The following BCR variants were observed in gnomAD, a reference collection of about 807,000 sequenced individuals.
BCR encodes breakpoint cluster region protein.
Under a neutral mutation model 138.6 loss-of-function variants are expected in BCR, and 58 were observed. The ratio of observed to expected loss-of-function variants is 0.42; its 90% confidence interval spans 0.34 to 0.52. BCR has a LOEUF of 0.52. Among genes scored for constraint, BCR ranks in the 20% least tolerant of loss-of-function variants. The pLI is 0.06. For synonymous variants in BCR, 786 were observed against 730.1 expected, an observed-to-expected ratio of 1.08 and a Z score of -1.23; for missense variants, 1,599 against 1,727.2, an observed-to-expected ratio of 0.93 and a Z score of 1.32.
At chr22:23,263,306 GCAC>G in intron 4 of BCR, 1 of 1,154,836 alleles carries the variant, frequency 8.7e-7, no homozygotes, top group Non-Finnish European at 1.3e-6. Flanking sequence ...GCTGGCTGTG[GCAC>G]TTCACCAACT....
chr22:23,317,083 C>A lies in BCR; in HGVS notation c.*1561C>A, dbSNP rs180823. On this transcript the variant is annotated 3_prime_UTR_variant, in exon 23 of 23. Transcript: ENST00000305877. ...GCACCCAGTGCGGCTCTGTCTGGCA[C>A]CCGCTCCCAAGGTGGGAGGAGTGGG... The A allele has an allele frequency of 0.31, 45,816 of 148,306 alleles. 7,908 individuals are homozygous for A. Among genetic ancestry groups the A allele is most frequent in the East Asian group, 0.56 (5,275 of 9,488 alleles). 9.2% of individuals were successfully genotyped at this position (148,306 alleles called of 1,614,324 possible).
chr22:23,315,295 A>G (rs1289277990), intron 22 of BCR, 138 bp from the exon 23 acceptor site: 1 of 646,246 alleles, frequency 1.5e-6, no homozygotes, highest in Admixed American at 2.2e-5. Flanking sequence ...CCCCCATCTC[A>G]CTGTAAGGGG....
chr22:23,238,898 G>T (rs1163521992), intron 1 of BCR, among the ~76,000 whole-genome samples: 1 of 120,686 alleles, frequency 8.3e-6, no homozygotes, highest in African/African-American at 2.9e-5. Flanking sequence ...GGCGGGGTTG[G>T]TTCGAGTCTC....
intron 12 of BCR, 93 bp downstream of exon 12, chr22:23,288,265 AG>A: frequency 7.6e-7 from 1 of 1,314,620 alleles, no homozygotes; most frequent in Admixed American, 1.8e-5. Flanking sequence ...TTTTATTTCG[AG>A]GGGTTTTATC....
chr22:23,313,851 G>A, intron 20 of BCR, 117 bp from the exon 21 acceptor site: 2 of 863,958 alleles, frequency 2.3e-6, no homozygotes, highest in Non-Finnish European at 4.0e-6. Flanking sequence ...GTGAGACTGA[G>A]GATGATGACG....
chr22:23,206,517 C>T (rs1180349832), intron 1 of BCR, among the ~76,000 whole-genome samples: 1 of 150,118 alleles, frequency 6.7e-6, no homozygotes. Context: ...GCGGAGCTTG[C>T]AGTGAGCCGA....
chr22:23,265,353 C>T (rs937193682), intron 4 of BCR, among the ~76,000 whole-genome samples: 4 of 152,234 alleles, frequency 2.6e-5, no homozygotes, highest in African/African-American at 7.2e-5. Context: ...CAGATAGGCC[C>T]GGTGCCTGCC....
intron 1 of BCR, among the ~76,000 whole-genome samples, chr22:23,233,619 C>T (rs1568945909): frequency 6.6e-6 from 1 of 151,924 alleles, no homozygotes; most frequent in Non-Finnish European, 1.5e-5. Context: ...GAAACCCCGT[C>T]TTTGCTAAAA....
chr22:23,260,846 G>A, intron 2 of BCR, 104 bp from the exon 3 acceptor site: 2 of 1,076,384 alleles, frequency 1.9e-6, no homozygotes, highest in Non-Finnish European at 2.9e-6. Context: ...GGGGGCAGGG[G>A]TTTGTCCAGA....
At chr22:23,236,424 G>A (rs1250437243) in intron 1 of BCR, among the ~76,000 whole-genome samples, 1 of 152,220 alleles carries the variant, frequency 6.6e-6, no homozygotes, top group Non-Finnish European at 1.5e-5. Context: ...GGAGAGTGGT[G>A]TGAATCCACT....
intron 1 of BCR, among the ~76,000 whole-genome samples, chr22:23,215,865 G>A (rs2072745965): frequency 6.6e-6 from 1 of 152,218 alleles, no homozygotes; most frequent in South Asian, 2.1e-4. Context: ...CAAGGGATAG[G>A]GGACCAGTTA....
chr22:23,210,422 GAA>G (rs1050301471), intron 1 of BCR, among the ~76,000 whole-genome samples: 1 of 101,844 alleles, frequency 9.8e-6, no homozygotes, highest in African/African-American at 3.3e-5. Flanking sequence ...GTCTCAAAAA[GAA>G]AAAAAAAAAA....
chr22:23,226,080 G>T (rs1204827859), intron 1 of BCR, among the ~76,000 whole-genome samples: 3 of 152,214 alleles, frequency 2.0e-5, no homozygotes, highest in Non-Finnish European at 4.4e-5. Flanking sequence ...GGTGGGGCAG[G>T]ATAGGGTGGG....
intron 1 of BCR, among the ~76,000 whole-genome samples, chr22:23,182,672 C>T (rs185574901): frequency 6.6e-6 from 1 of 152,338 alleles, no homozygotes; most frequent in Non-Finnish European, 1.5e-5. Flanking sequence ...ATGTCTTGGG[C>T]ATTCCCCGCC....
chr22:23,188,760 G>C (rs1215047080), intron 1 of BCR, among the ~76,000 whole-genome samples: 1 of 144,140 alleles, frequency 6.9e-6, no homozygotes, highest in Non-Finnish European at 1.6e-5. Context: ...TGTGGCTCAA[G>C]TAGGTTTTTT....
At chr22:23,312,027 C>T (rs2074013565) in intron 19 of BCR, 191 bp downstream of exon 19, 1 of 1,119,558 alleles carries the variant, frequency 8.9e-7, no homozygotes, top group African/African-American at 1.6e-5. Context: ...AGTTTTTAAA[C>T]CATCCTAGCC....
intron 9 of BCR, 115 bp from the exon 10 acceptor site, chr22:23,284,918 A>G: frequency 8.5e-7 from 1 of 1,181,790 alleles, no homozygotes; most frequent in South Asian, 1.5e-5. Flanking sequence ...GCTGGGTTTT[A>G]GGTCAGGTAA....
intron 1 of BCR, among the ~76,000 whole-genome samples, chr22:23,246,124 C>T (rs922894889): frequency 4.6e-5 from 7 of 152,148 alleles, no homozygotes; most frequent in African/African-American, 7.2e-5. Context: ...GACAGAATTT[C>T]CTTCCCTTTG....
At chr22:23,273,584 A>G (rs1847671331) in intron 7 of BCR, 50 bp from the exon 8 acceptor site, 2 of 1,609,576 alleles carry the variant, frequency 1.2e-6, no homozygotes, top group Non-Finnish European at 1.7e-6. Context: ...ACACAGTGGC[A>G]GGTGCCAGTG....
Sources: allele counts gnomAD v4.1 joint callset (sites outside exome capture counted in the v4.1 genomes callset), GRCh38; gene constraint gnomAD v4.1.1; transcripts MANE v1.5; gene names NCBI Gene and HGNC (gene_info 2026-07-23, HGNC 2026-07-21).